Variants in FREM2 observed in about 807,000 individuals in gnomAD.
FREM2 encodes the protein FRAS1-related extracellular matrix protein 2.
A neutral mutation model predicts 219.9 loss-of-function variants in FREM2; 119 were observed. The observed-to-expected ratio is 0.54, with a 90% confidence interval of 0.47 to 0.63. FREM2 has a LOEUF of 0.63. FREM2 is among the 30% of genes least tolerant of loss of function. The pLI, the probability that FREM2 is intolerant of heterozygous loss-of-function variation, is 0.00. For missense variants in FREM2, 4,030 were observed against 3,993.6 expected (o/e 1.01, Z -0.25); for synonymous variants, 1,562 against 1,522.8 (o/e 1.03, Z -0.60).
At chr13:38,736,239 G>A (rs1279632049) in intron 2 of FREM2, among the ~76,000 whole-genome samples, 1 of 152,138 alleles carries the variant, frequency 6.6e-6, no homozygotes, top group African/African-American at 2.4e-5. Context: ...TTAGCAAGTG[G>A]TTCTAACTGG....
intron 6 of FREM2, among the ~76,000 whole-genome samples, chr13:38,803,817 G>A (rs1875116749): frequency 6.6e-6 from 1 of 150,936 alleles, no homozygotes; most frequent in South Asian, 2.1e-4. Flanking sequence ...TCAGTTCAGT[G>A]CTGTTCAAAA....
intron 12 of FREM2, among the ~76,000 whole-genome samples, chr13:38,856,527 A>G (rs1443725690): frequency 6.6e-6 from 1 of 152,104 alleles, no homozygotes; most frequent in Admixed American, 6.5e-5. Context: ...TCCCTTCCCC[A>G]TGTCAGTCAG....
At chr13:38,706,114 C>A (rs1870529275) in intron 2 of FREM2, among the ~76,000 whole-genome samples, 1 of 152,212 alleles carries the variant, frequency 6.6e-6, no homozygotes, top group East Asian at 1.9e-4. Flanking sequence ...CTCTGAAGCT[C>A]AGCCTGCATG....
intron 6 of FREM2, among the ~76,000 whole-genome samples, chr13:38,843,065 A>G (rs2137902451): frequency 6.6e-6 from 1 of 152,308 alleles, no homozygotes; most frequent in East Asian, 1.9e-4. Context: ...GGCCAATTCA[A>G]AACCTCCCTT....
At chr13:38,841,561 A>G (rs561776257) in intron 6 of FREM2, among the ~76,000 whole-genome samples, 3 of 151,732 alleles carry the variant, frequency 2.0e-5, no homozygotes, top group Non-Finnish European at 4.4e-5. Context: ...TTTCAAAACA[A>G]AAGAAAAAAA....
In FREM2 at chr13:38,851,802, A is replaced by G. The variant is rs141242944; in HGVS notation, c.6859A>G (p.Ile2287Val). The G allele has an allele frequency of 1.9e-6, 3 of 1,614,028 alleles. No individual in the cohort carries two copies. The highest frequency in any genetic ancestry group is 2.5e-6 in the Non-Finnish European group (3 of 1,179,924). The change falls in exon 11 of 24, where the codon ATT becomes GTT. Residue 2287 changes from isoleucine (I) to valine (V), a missense_variant. Physicochemically the swap from Ile to Val is conservative, Grantham distance 29 (BLOSUM62 3). Transcript: ENST00000280481. ...IRQGDTSKVS[I>V]VRVHTKDGSA... ...CCAAGGAGACACTTCAAAGGTTTCC[A>G]TTGTGAGAGTCCACACCAAGGATGG... is the stretch of plus-strand genomic sequence containing the variant.
intron 15 of FREM2, among the ~76,000 whole-genome samples, chr13:38,861,820 C>G (rs1019697990): frequency 6.6e-6 from 1 of 152,166 alleles, no homozygotes; most frequent in Non-Finnish European, 1.5e-5. Flanking sequence ...GGTACCTAGT[C>G]TAGCTTTTAT....
chr13:38,747,892 T>C (rs567062994), intron 2 of FREM2, among the ~76,000 whole-genome samples: 3 of 152,334 alleles, frequency 2.0e-5, no homozygotes, highest in African/African-American at 7.2e-5. Flanking sequence ...ATGCTTCCCA[T>C]ACTGGTAGTT....
chr13:38,772,740 A>C (rs1873716481), intron 4 of FREM2, among the ~76,000 whole-genome samples: 1 of 150,362 alleles, frequency 6.7e-6, no homozygotes, highest in Non-Finnish European at 1.5e-5. Context: ...CTCGCTGCCC[A>C]GGCTGGAGTG....
intron 6 of FREM2, among the ~76,000 whole-genome samples, chr13:38,837,675 T>A (rs2137895477): frequency 6.6e-6 from 1 of 152,284 alleles, no homozygotes; most frequent in Middle Eastern, 3.4e-3. Flanking sequence ...ATTGCATTGA[T>A]CCCTTTACCA....
chr13:38,826,997 C>A (rs1390139221), intron 6 of FREM2, among the ~76,000 whole-genome samples: 3 of 152,070 alleles, frequency 2.0e-5, no homozygotes, highest in Admixed American at 6.6e-5. Flanking sequence ...TCATGTTCCT[C>A]CCTTTTTCTT....
intron 2 of FREM2, among the ~76,000 whole-genome samples, chr13:38,703,735 ATT>A (rs1223761230): frequency 6.6e-6 from 1 of 152,166 alleles, no homozygotes. Flanking sequence ...TCATTCCAAA[ATT>A]ATACATTATA....
At chr13:38,781,176 A>G (rs562560173) in intron 4 of FREM2, among the ~76,000 whole-genome samples, 1 of 152,074 alleles carries the variant, frequency 6.6e-6, no homozygotes, top group Admixed American at 6.5e-5. Context: ...TGCTTCAAGC[A>G]CACTGGCCTC....
At position 38,784,629 on chromosome 13, in the gene FREM2, C is replaced by G. The variant is rs1219340828; in HGVS notation, c.5840C>G (p.Thr1947Ser). Residue 1947 changes from threonine (T) to serine (S), a missense_variant, in exon 6 of 24, where the codon ACC becomes AGC. Thr to Ser is a moderately conservative substitution (Grantham distance 58). Transcript: ENST00000280481. Reference protein sequence around the residue: ...SDYISRPEDHTSVVRFDKDER... With the variant: ...SDYISRPEDHSSVVRFDKDER... The stretch of plus-strand genomic sequence containing the variant: ...TACATATCCAGGCCTGAGGACCACA[C>G]CAGTGTTGTCCGCTTTGACAAAGAT... 1 of 1,614,150 alleles carries G rather than the reference C, an allele frequency of 6.2e-7. No individual in the cohort carries two copies. The highest frequency in any genetic ancestry group is 1.1e-5 in the South Asian group (1 of 91,084).
chr13:38,829,895 C>T lies in FREM2; in HGVS notation c.6020-16678C>T, dbSNP rs547772497. 3.8e-4 allele frequency among the ~76,000 whole-genome samples: 58 copies of T among 152,142 alleles called. 1 individual carries two copies. The highest frequency in any genetic ancestry group is 1.3e-3 in the African/African-American group (56 of 41,542). ...TTTGCTCTCAAAAGTTGTTTCTCTGCAACTTTTGTCTTTAAAAATAGACAT... is the reference window on the plus strand; with the variant it reads ...TTTGCTCTCAAAAGTTGTTTCTCTGTAACTTTTGTCTTTAAAAATAGACAT... On this transcript the variant is annotated intron_variant, in intron 6 of 23. Coordinates refer to ENST00000280481, the MANE Select transcript of FREM2 (RefSeq NM_207361.6).
chr13:38,736,512 G>A (rs1215596399), intron 2 of FREM2, among the ~76,000 whole-genome samples: 4 of 151,864 alleles, frequency 2.6e-5, no homozygotes, highest in South Asian at 2.1e-4. Flanking sequence ...CCTTTTTGAC[G>A]GTTTACAACA....
At chr13:38,869,667 G>A (rs1878092636) in intron 16 of FREM2, among the ~76,000 whole-genome samples, 1 of 152,128 alleles carries the variant, frequency 6.6e-6, no homozygotes. Context: ...AGCAGGAAAA[G>A]CAAAATAGAG....
rs1051022986 is a variant in FREM2 at position 38,690,194 on chromosome 13, G to A, written c.2850G>A (p.Leu950=). 1.9e-6 allele frequency: 3 copies of A among 1,614,140 alleles called. No homozygotes were observed. The South Asian group carries it at 3.3e-5, about 18-fold the overall frequency. The part of the protein sequence containing the change: ...VPILSHPTGT[L]ESYLDVLENG... ...TACTGAGCCATCCTACTGGCACTCT[G>A]GAGTCCTATCTAGATGTCTTAGAAA... The change falls in exon 1 of 24, where the codon CTG becomes CTA. Residue 950 remains leucine, a synonymous_variant. Transcript: ENST00000280481.
In FREM2 at chr13:38,851,711, C is replaced by G. The variant is rs773654517; in HGVS notation, c.6768C>G (p.Thr2256=). 1.2e-6 allele frequency: 2 copies of G among 1,612,890 alleles called. No homozygotes were observed. The highest frequency in any genetic ancestry group is 3.3e-5 in the Admixed American group (2 of 60,012). ...AGACTGTTATTAAATTTGGAGAAAC[C>G]AAATTTAGTGTCACTGAACCCAAAG... ...ADKTVIKFGE[T]KFSVTEPKEP... is the part of the protein sequence containing the mutation. The change falls in exon 11 of 24, where the codon ACC becomes ACG. Residue 2256 remains threonine (T), a synonymous_variant. Transcript: ENST00000280481.
Sources: allele counts gnomAD v4.1 joint callset (sites outside exome capture counted in the v4.1 genomes callset), GRCh38; gene constraint gnomAD v4.1.1; transcripts MANE v1.5; gene names NCBI Gene and HGNC (gene_info 2026-07-23, HGNC 2026-07-21).